TBC1D1: variants seen among roughly 807,000 people sequenced by gnomAD.
TBC1D1 encodes the protein TBC1 (tre-2/USP6, BUB2, cdc16) domain family, member 1.
Under a neutral mutation model 125.6 loss-of-function variants are expected in TBC1D1, and 89 were observed. The observed-to-expected ratio is 0.71, with a 90% CI of 0.60 to 0.85. TBC1D1 has a LOEUF of 0.85. TBC1D1 is among the 40% of genes least tolerant of loss of function. TBC1D1 has a pLI of 0.00. For missense variants in TBC1D1, 1,377 were observed against 1,469.2 expected, an observed-to-expected ratio of 0.94 and a Z score of 1.03; for synonymous variants, 565 against 564.1, an observed-to-expected ratio of 1.00 and a Z score of -0.02.
intron 7 of TBC1D1, among the ~76,000 whole-genome samples, chr4:38,028,453 C>T (rs1745497177): frequency 2.0e-5 from 3 of 152,188 alleles, no homozygotes; most frequent in Non-Finnish European, 4.4e-5. Flanking sequence ...CGTGAGCCAC[C>T]ACGCCCAGCC....
chr4:38,035,868 A>G (rs1025548220), intron 8 of TBC1D1, among the ~76,000 whole-genome samples, 170 bp downstream of exon 8: 3 of 152,018 alleles, frequency 2.0e-5, no homozygotes, highest in Admixed American at 2.0e-4. Flanking sequence ...TGTATGCTTG[A>G]GAAGATAAGA....
intron 12 of TBC1D1, among the ~76,000 whole-genome samples, chr4:38,079,693 A>T (rs2152522967): frequency 6.6e-6 from 1 of 152,120 alleles, no homozygotes; most frequent in Non-Finnish European, 1.5e-5. Flanking sequence ...GTGCCATTGC[A>T]GTCCAGCCTG....
Position 38,115,921 on chromosome 4 carries a change from GA to G in TBC1D1, c.2772del (p.Lys924AsnfsTer7). 1 of 1,614,230 alleles carries G rather than the reference GA, an allele frequency of 6.2e-7. No homozygotes were observed. Among genetic ancestry groups the G allele is most frequent in the Non-Finnish European group, 8.5e-7 (1 of 1,180,026 alleles). On this transcript the variant is annotated frameshift_variant, in exon 16 of 20. Coordinates refer to ENST00000261439, the MANE Select transcript of TBC1D1 (RefSeq NM_015173.4). LOFTEE classifies it high-confidence loss of function. The stretch of plus-strand genomic sequence containing the variant: ...TTCTGATGTTTGACATGGGGCTGCG[GA>G]AACAGTATCGGCCAGACATGATTAT...
At chr4:37,952,103 A>C (rs1452446616) in intron 2 of TBC1D1, 2 of 716,910 alleles carry the variant, frequency 2.8e-6, no homozygotes. Flanking sequence ...CAGTGTCAGC[A>C]ACGTGAAGCT....
intron 12 of TBC1D1, among the ~76,000 whole-genome samples, chr4:38,068,553 G>C (rs142195946): frequency 2.0e-5 from 3 of 152,258 alleles, no homozygotes; most frequent in African/African-American, 7.2e-5. Context: ...TGTATGCCCC[G>C]ATGGAGAGCG....
At chr4:38,111,063 A>G (rs546534320) in intron 15 of TBC1D1, among the ~76,000 whole-genome samples, 1 of 152,398 alleles carries the variant, frequency 6.6e-6, no homozygotes, top group East Asian at 1.9e-4. Flanking sequence ...GCTCCGGCCA[A>G]CTGCTGCAGG....
intron 1 of TBC1D1, among the ~76,000 whole-genome samples, chr4:37,896,294 C>T (rs189375915): frequency 1.1e-4 from 17 of 152,252 alleles, no homozygotes; most frequent in Non-Finnish European, 2.1e-4. Context: ...ACTGTAAAGT[C>T]CCCATCCTGC....
At chr4:38,132,519 C>T (rs1167909530) in intron 18 of TBC1D1, among the ~76,000 whole-genome samples, 1 of 152,178 alleles carries the variant, frequency 6.6e-6, no homozygotes. Context: ...CGTATTCACT[C>T]ATCTGTGTGG....
chr4:37,894,241 C>G (rs1714061966), intron 1 of TBC1D1, among the ~76,000 whole-genome samples: 1 of 152,140 alleles, frequency 6.6e-6, no homozygotes, highest in Non-Finnish European at 1.5e-5. Context: ...CCCGCCTTGG[C>G]CTCCCAAAGT....
chr4:38,119,045 C>T (rs1413618257), intron 17 of TBC1D1, among the ~76,000 whole-genome samples: 1 of 151,948 alleles, frequency 6.6e-6, no homozygotes, highest in East Asian at 1.9e-4. Context: ...AATTCAGGTT[C>T]TTTTTTTTAT....
intron 13 of TBC1D1, 40 bp from the exon 16 acceptor site, chr4:38,095,889 T>TG: frequency 6.3e-7 from 1 of 1,575,002 alleles, no homozygotes; most frequent in Non-Finnish European, 8.6e-7. Context: ...ATTCCATAGC[T>TG]GTAGCCTTTA....
intron 2 of TBC1D1, among the ~76,000 whole-genome samples, chr4:37,984,454 TG>T (rs371736686): frequency 3.6e-4 from 55 of 152,322 alleles, no homozygotes; most frequent in African/African-American, 1.3e-3. Context: ...TTCTAATAGG[TG>T]TGTAGTGGTA....
chr4:37,988,044 G>A (rs981262709), intron 2 of TBC1D1, among the ~76,000 whole-genome samples: 5 of 152,218 alleles, frequency 3.3e-5, no homozygotes, highest in African/African-American at 1.2e-4. Flanking sequence ...CTAGGCGACA[G>A]TGGGAAAGAT....
At chr4:37,971,271 A>G (rs1046595688) in intron 2 of TBC1D1, among the ~76,000 whole-genome samples, 2 of 152,204 alleles carry the variant, frequency 1.3e-5, no homozygotes, top group African/African-American at 2.4e-5. Context: ...TATGCTGTTA[A>G]TAAAGACATA....
chr4:38,014,689 T>C lies in TBC1D1; in HGVS notation c.598T>C (p.Phe200Leu). Reference sequence around the variant, plus strand: ...CCTGATCGACGAGTGCATCGAGAAGTTCAATCACGTCAGCGGCAGCCGGGG... The same window carrying C: ...CCTGATCGACGAGTGCATCGAGAAGCTCAATCACGTCAGCGGCAGCCGGGG... The change falls in exon 3 of 20, where the codon TTC becomes CTC. Residue 200 changes from phenylalanine (F) to leucine (L), a missense_variant. This residue lies in a region of TBC1D1 where 822 missense variants were observed against 824.6 expected (regional missense o/e 1.00). Transcript: ENST00000261439. This position sits in a 1 kb window ranked among gnomAD's most constrained non-coding sequence, Gnocchi z 5.1. 6.2e-7 allele frequency: 1 copy of C among 1,612,880 alleles called. No homozygotes were observed.
chr4:38,070,339 G>A (rs1009806392), intron 12 of TBC1D1, among the ~76,000 whole-genome samples: 28 of 152,310 alleles, frequency 1.8e-4, no homozygotes, highest in African/African-American at 6.5e-4. Context: ...GTTGTCATGT[G>A]GCTGACTACA....
At chr4:37,945,230 T>A (rs1182720755) in intron 2 of TBC1D1, among the ~76,000 whole-genome samples, 1 of 151,880 alleles carries the variant, frequency 6.6e-6, no homozygotes, top group Non-Finnish European at 1.5e-5. Context: ...AGCCTACAGG[T>A]AGGCTGGGTG....
At chr4:38,096,798 T>G (rs1380551017) in intron 14 of TBC1D1, among the ~76,000 whole-genome samples, 1 of 151,414 alleles carries the variant, frequency 6.6e-6, no homozygotes, top group Non-Finnish European at 1.5e-5. Flanking sequence ...TGTCCATCTG[T>G]TTTTTTTTAA....
chr4:37,913,228 T>A lies in TBC1D1; in HGVS notation c.417+10716T>A, dbSNP rs531352105. On this transcript the variant is annotated intron_variant, in intron 2 of 19. Transcript: ENST00000261439. ...ATTCTCTGTCCTATTGATGCTTATATGCTTGGTTCCTAAGGAATGGTATGA... is the reference window on the plus strand; with the variant it reads ...ATTCTCTGTCCTATTGATGCTTATAAGCTTGGTTCCTAAGGAATGGTATGA... Among the ~76,000 whole-genome samples, 28 of 152,306 alleles carry A rather than the reference T, an allele frequency of 1.8e-4. 2 individuals carry two copies. In the South Asian group the frequency reaches 3.9e-3, roughly 21 times the overall value.
Sources: allele counts gnomAD v4.1 joint callset (sites outside exome capture counted in the v4.1 genomes callset), GRCh38; gene constraint gnomAD v4.1.1; regional missense constraint gnomAD v4.1.1; non-coding constraint Gnocchi (gnomAD v3.1); transcripts MANE v1.5; gene names NCBI Gene and HGNC (gene_info 2026-07-23, HGNC 2026-07-21).